The following LUZP2 variants were observed in gnomAD, a reference collection of about 807,000 sequenced individuals.
The protein encoded by LUZP2 is leucine zipper protein 2.
Under a neutral mutation model 51.6 loss-of-function variants are expected in LUZP2, and 52 were observed. The observed-to-expected ratio is 1.01, with a 90% confidence interval of 0.81 to 1.27. LUZP2 has a LOEUF of 1.27. Ranked by LOEUF, LUZP2 falls within the 50% of genes most tolerant of loss-of-function variation. The pLI, the probability that LUZP2 is intolerant of heterozygous loss-of-function variation, is 0.00. For missense variants in LUZP2, 436 were observed against 395.4 expected (o/e 1.10, Z -0.87); for synonymous variants, 154 against 137.3 (o/e 1.12, Z -0.85).
intron 10 of LUZP2, among the ~76,000 whole-genome samples, chr11:25,071,163 G>A (rs563737884): frequency 8.9e-4 from 136 of 151,964 alleles, no homozygotes; most frequent in African/African-American, 3.2e-3. Flanking sequence ...TTTGTATCTT[G>A]ATATCACTTA....
chr11:24,748,282 A>T (rs1057059735), intron 4 of LUZP2, among the ~76,000 whole-genome samples: 4 of 152,042 alleles, frequency 2.6e-5, no homozygotes, highest in Non-Finnish European at 4.4e-5. Context: ...GCTCCAGGTA[A>T]GGTTGGAAAC....
chr11:24,844,792 G>A (rs941633983), intron 5 of LUZP2, among the ~76,000 whole-genome samples: 1 of 152,150 alleles, frequency 6.6e-6, no homozygotes, highest in South Asian at 2.1e-4. Flanking sequence ...GGCTTCAGAG[G>A]GTACAAGCCC....
At chr11:24,846,930 TATAC>T (rs1412565761) in intron 5 of LUZP2, among the ~76,000 whole-genome samples, 1 of 147,946 alleles carries the variant, frequency 6.8e-6, no homozygotes, top group Non-Finnish European at 1.5e-5. Context: ...TACATATATG[TATAC>T]ATACATATAT....
intron 1 of LUZP2, among the ~76,000 whole-genome samples, chr11:24,566,696 A>ACAGAT (rs1564995162): frequency 6.8e-6 from 1 of 146,814 alleles, no homozygotes; most frequent in African/African-American, 2.5e-5. Context: ...GGAATTCACT[A>ACAGAT]GGTAATGTGT....
chr11:24,877,699 C>A (rs1030016642), intron 5 of LUZP2, among the ~76,000 whole-genome samples: 1 of 152,054 alleles, frequency 6.6e-6, no homozygotes, highest in Admixed American at 6.6e-5. Context: ...GTTTTTCTAA[C>A]TATATTTTTG....
At chr11:24,865,856 C>T (rs1295634154) in intron 5 of LUZP2, among the ~76,000 whole-genome samples, 3 of 151,570 alleles carry the variant, frequency 2.0e-5, no homozygotes, top group African/African-American at 4.9e-5. Context: ...GTTGCCCAGG[C>T]TGGAGTGCAG....
At chr11:24,834,862 C>G (rs1477302419) in intron 5 of LUZP2, among the ~76,000 whole-genome samples, 14 of 152,140 alleles carry the variant, frequency 9.2e-5, no homozygotes, top group Admixed American at 9.2e-4. Flanking sequence ...AACTTTTTGT[C>G]ATATGTTTGT....
chr11:24,534,586 A>G (rs987181640), intron 1 of LUZP2, among the ~76,000 whole-genome samples: 2 of 151,532 alleles, frequency 1.3e-5, no homozygotes, highest in Middle Eastern at 3.5e-3. Context: ...TAAAAGGATA[A>G]AGTAAATAGT....
intron 4 of LUZP2, among the ~76,000 whole-genome samples, chr11:24,739,196 C>G (rs1409357555): frequency 6.6e-6 from 1 of 151,946 alleles, no homozygotes; most frequent in South Asian, 2.1e-4. Context: ...GTTGTGGTTT[C>G]TGAGGCAATG....
chr11:25,001,360 C>A (rs10834573), intron 9 of LUZP2, among the ~76,000 whole-genome samples: 59,111 of 151,998 alleles, frequency 0.39, 13,790 homozygotes, highest in East Asian at 0.69. Context: ...ATACCTATTA[C>A]GTCTTTTTTC....
intron 7 of LUZP2, among the ~76,000 whole-genome samples, chr11:24,936,058 G>A (rs1370177127): frequency 5.3e-5 from 8 of 152,032 alleles, no homozygotes; most frequent in Admixed American, 5.2e-4. Context: ...TTAGTGAGTT[G>A]CTAGTGTTTT....
At chr11:24,780,457 A>T (rs957660486) in intron 5 of LUZP2, among the ~76,000 whole-genome samples, 1 of 152,146 alleles carries the variant, frequency 6.6e-6, no homozygotes, top group Non-Finnish European at 1.5e-5. Context: ...TAATAAACTT[A>T]TATGATAGTT....
chr11:24,916,737 A>T (rs1049457254), intron 7 of LUZP2, among the ~76,000 whole-genome samples: 4 of 152,172 alleles, frequency 2.6e-5, no homozygotes, highest in Non-Finnish European at 4.4e-5. Context: ...TCTATCACTG[A>T]TGGACATTTG....
At chr11:24,747,190 G>T (rs557530440) in intron 4 of LUZP2, among the ~76,000 whole-genome samples, 2 of 152,116 alleles carry the variant, frequency 1.3e-5, no homozygotes, top group African/African-American at 4.8e-5. Flanking sequence ...TCATAGAAAA[G>T]GTCCAGGGCT....
At chr11:24,768,356 C>T (rs946588371) in intron 5 of LUZP2, among the ~76,000 whole-genome samples, 10 of 152,068 alleles carry the variant, frequency 6.6e-5, no homozygotes, top group Non-Finnish European at 8.8e-5. Context: ...GTGATCCACC[C>T]GCCTTGGCCT....
At chr11:24,853,480 A>G (rs1851457549) in intron 5 of LUZP2, among the ~76,000 whole-genome samples, 2 of 151,910 alleles carry the variant, frequency 1.3e-5, no homozygotes, top group African/African-American at 4.8e-5. Context: ...CAGGTTATTT[A>G]TGTTCTTCTA....
intron 9 of LUZP2, among the ~76,000 whole-genome samples, chr11:25,001,711 C>T (rs1443678624): frequency 6.6e-6 from 1 of 152,076 alleles, no homozygotes; most frequent in Non-Finnish European, 1.5e-5. Flanking sequence ...TTGACTTCAT[C>T]TTTGTCTATC....
chr11:24,531,163 G>T (rs1412017415), intron 1 of LUZP2, among the ~76,000 whole-genome samples: 2 of 150,012 alleles, frequency 1.3e-5, no homozygotes, highest in Non-Finnish European at 3.0e-5. Context: ...AAAATGAAGG[G>T]CAACATTCAC....
chr11:24,574,972 A>G (rs1296356832), intron 1 of LUZP2, among the ~76,000 whole-genome samples: 1 of 152,146 alleles, frequency 6.6e-6, no homozygotes, highest in African/African-American at 2.4e-5. Context: ...TGTTTAGTCA[A>G]TTTGAGGGGA....
Sources: gnomAD v4.1 joint callset for allele counts (sites outside exome capture counted in the v4.1 genomes callset) on GRCh38, gnomAD v4.1.1 for gene constraint, MANE v1.5 for transcripts, NCBI Gene and HGNC (gene_info 2026-07-23, HGNC 2026-07-21) for gene names.